AJAP1: variants seen among roughly 807,000 people sequenced by gnomAD.
The protein encoded by AJAP1 is adherens junction-associated protein 1.
In AJAP1, 5 loss-of-function variants were observed where a neutral mutation model predicts 35.0. The ratio of observed to expected loss-of-function variants is 0.14; its 90% CI spans 0.07 to 0.30. AJAP1 has a LOEUF of 0.30. Ranked by LOEUF, AJAP1 falls within the 10% of genes least tolerant of loss-of-function variation. AJAP1 has a pLI of 1.00. For synonymous variants in AJAP1, 284 were observed against 249.3 expected (o/e 1.14, Z -1.31); for missense variants, 586 against 571.0 (o/e 1.03, Z -0.27).
At chr1:4,775,709 C>T (rs1317650011) in intron 5 of AJAP1, among the ~76,000 whole-genome samples, 1 of 152,236 alleles carries the variant, frequency 6.6e-6, no homozygotes, top group African/African-American at 2.4e-5. Flanking sequence ...ACATGTTCTG[C>T]CAACTGGCAA....
intron 1 of AJAP1, among the ~76,000 whole-genome samples, chr1:4,710,979 C>CG (rs1468483537): frequency 2.0e-5 from 3 of 152,226 alleles, no homozygotes. Flanking sequence ...GAGGCAGCCC[C>CG]GCCCTCCTCA....
chr1:4,733,762 A>C (rs1640855979), intron 2 of AJAP1, among the ~76,000 whole-genome samples: 1 of 152,086 alleles, frequency 6.6e-6, no homozygotes, highest in African/African-American at 2.4e-5. Context: ...GGGCAGGGAT[A>C]GGAGAAGGCC....
intron 1 of AJAP1, among the ~76,000 whole-genome samples, chr1:4,684,464 G>A (rs866660572): frequency 2.5e-4 from 38 of 152,274 alleles, no homozygotes; most frequent in Middle Eastern, 6.8e-3. Flanking sequence ...CAAGGTCTAG[G>A]GCGGCCTTGT....
At chr1:4,755,696 G>T (rs1223667217) in intron 2 of AJAP1, among the ~76,000 whole-genome samples, 1 of 150,142 alleles carries the variant, frequency 6.7e-6, no homozygotes, top group Non-Finnish European at 1.5e-5. Context: ...GCTTTACTTG[G>T]GGCCATCACA....
In AJAP1 at chr1:4,692,242, G is replaced by A. The variant is rs186565392; in HGVS notation, c.30-19658G>A. Among the ~76,000 whole-genome samples the A allele has an allele frequency of 1.6e-4, 25 of 152,220 alleles. No individual in the cohort carries two copies. Among genetic ancestry groups the A allele is most frequent in the African/African-American group, 5.1e-4 (21 of 41,544 alleles). Reference sequence around the variant, plus strand: ...CAGGCTCCTGCTGCTGCCTCCCGCCGCTGCCTCCCGCCACCAGGACAGGGT... The same window carrying A: ...CAGGCTCCTGCTGCTGCCTCCCGCCACTGCCTCCCGCCACCAGGACAGGGT... On this transcript the variant is annotated intron_variant, in intron 1 of 5. Coordinates refer to ENST00000378191, the MANE Select transcript of AJAP1 (RefSeq NM_018836.4). This position sits in a 1 kb window ranked among gnomAD's most constrained non-coding sequence, Gnocchi z 4.4.
intron 2 of AJAP1, among the ~76,000 whole-genome samples, chr1:4,727,687 G>A (rs1035821823): frequency 2.0e-5 from 3 of 152,302 alleles, no homozygotes; most frequent in Admixed American, 6.5e-5. Context: ...GTGTGGATGG[G>A]GCCGTGACCT....
intron 2 of AJAP1, among the ~76,000 whole-genome samples, chr1:4,736,912 A>G (rs1640939104): frequency 6.6e-6 from 1 of 152,032 alleles, no homozygotes; most frequent in Non-Finnish European, 1.5e-5. Context: ...AGGGCTGACT[A>G]CTGGGGGTGG....
intron 5 of AJAP1, among the ~76,000 whole-genome samples, chr1:4,781,339 C>T (rs549332195): frequency 6.6e-6 from 1 of 152,328 alleles, no homozygotes; most frequent in South Asian, 2.1e-4. Context: ...TCACTGACCT[C>T]ACCTGGGGAG....
chr1:4,740,807 C>CGG (rs143343372), intron 2 of AJAP1, among the ~76,000 whole-genome samples: 13 of 125,472 alleles, frequency 1.0e-4, no homozygotes, highest in African/African-American at 2.4e-4. Context: ...AAAAAAAAAG[C>CGG]GGGGGGGGCT....
chr1:4,759,701 G>A (rs1257295924), intron 2 of AJAP1, among the ~76,000 whole-genome samples: 2 of 152,242 alleles, frequency 1.3e-5, no homozygotes, highest in Non-Finnish European at 2.9e-5. Flanking sequence ...CTCCAAGAGC[G>A]AGGTGCAGGC....
At chr1:4,739,409 G>T (rs912870816) in intron 2 of AJAP1, among the ~76,000 whole-genome samples, 2 of 152,204 alleles carry the variant, frequency 1.3e-5, no homozygotes, top group African/African-American at 4.8e-5. Context: ...CCCACTGTTG[G>T]CAATGCATTT....
chr1:4,676,767 T>C (rs1431485036), intron 1 of AJAP1, among the ~76,000 whole-genome samples: 1 of 152,160 alleles, frequency 6.6e-6, no homozygotes, highest in Non-Finnish European at 1.5e-5. Flanking sequence ...CCACTTGAAG[T>C]TTTTAGCCTG....
At chr1:4,710,931 C>T (rs1226829037) in intron 1 of AJAP1, among the ~76,000 whole-genome samples, 2 of 152,176 alleles carry the variant, frequency 1.3e-5, no homozygotes, top group African/African-American at 4.8e-5. Flanking sequence ...GGCCGCCCCG[C>T]CAGCCCTGAC....
intron 1 of AJAP1, among the ~76,000 whole-genome samples, chr1:4,680,338 G>T (rs960243160): frequency 2.6e-5 from 4 of 152,202 alleles, no homozygotes; most frequent in Admixed American, 1.3e-4. Flanking sequence ...ACCAGTCATT[G>T]GATTTAGGGT....
intron 2 of AJAP1, among the ~76,000 whole-genome samples, chr1:4,747,226 G>A (rs1641208221): frequency 6.6e-6 from 1 of 152,150 alleles, no homozygotes; most frequent in East Asian, 1.9e-4. Flanking sequence ...GGAGGGCTCT[G>A]TGCATGTCCT....
At chr1:4,689,228 C>T (rs531443090) in intron 1 of AJAP1, among the ~76,000 whole-genome samples, 7 of 152,264 alleles carry the variant, frequency 4.6e-5, no homozygotes, top group East Asian at 3.9e-4. Context: ...AGACAATTAC[C>T]GATAAATCAG....
At chr1:4,779,763 G>A (rs890983044) in intron 5 of AJAP1, among the ~76,000 whole-genome samples, 2 of 151,976 alleles carry the variant, frequency 1.3e-5, no homozygotes, top group East Asian at 3.9e-4. Context: ...CCAGTGTAGG[G>A]TCTCGAAGCC....
chr1:4,765,784 C>T (rs1010655272), intron 2 of AJAP1, among the ~76,000 whole-genome samples: 1 of 152,178 alleles, frequency 6.6e-6, no homozygotes, highest in Non-Finnish European at 1.5e-5. Flanking sequence ...GTGTAATTGA[C>T]TTCTCAAGGG....
intron 2 of AJAP1, among the ~76,000 whole-genome samples, chr1:4,744,144 A>G (rs1410467379): frequency 6.6e-6 from 1 of 152,162 alleles, no homozygotes; most frequent in East Asian, 1.9e-4. Context: ...AGGGCAGCAA[A>G]GCCAGGCCCG....
Sources: gnomAD v4.1 joint callset for allele counts (sites outside exome capture counted in the v4.1 genomes callset) on GRCh38, gnomAD v4.1.1 for gene constraint, Gnocchi (gnomAD v3.1) non-coding constraint, MANE v1.5 for transcripts, NCBI Gene and HGNC (gene_info 2026-07-23, HGNC 2026-07-21) for gene names.